ATP8A2: variants seen among roughly 807,000 people sequenced by gnomAD.
ATP8A2 encodes the protein ATPase phospholipid transporting 8A2.
In ATP8A2, 100 loss-of-function variants were observed where a neutral mutation model predicts 165.6. That is an observed-to-expected ratio of 0.60 (90% CI 0.51 to 0.71). The LOEUF (loss-of-function observed/expected upper bound fraction) is 0.71. Among genes scored for constraint, ATP8A2 ranks in the 30% least tolerant of loss-of-function variants. The pLI, the probability that ATP8A2 is intolerant of heterozygous loss-of-function variation, is 0.00. For synonymous variants in ATP8A2, 543 were observed against 548.8 expected (o/e 0.99, Z 0.15); for missense variants, 1,227 against 1,479.5 (o/e 0.83, Z 2.80).
intron 27 of ATP8A2, among the ~76,000 whole-genome samples, chr13:25,777,278 GC>G (rs2044764141): frequency 6.6e-6 from 1 of 152,106 alleles, no homozygotes; most frequent in South Asian, 2.1e-4. Flanking sequence ...TATGGTTAGA[GC>G]CTTGACTCAG....
chr13:25,635,461 C>G (rs2041346177), intron 24 of ATP8A2, among the ~76,000 whole-genome samples: 1 of 152,116 alleles, frequency 6.6e-6, no homozygotes, highest in African/African-American at 2.4e-5. Context: ...TCGAGACTCC[C>G]CTTTTGGAGA....
intron 24 of ATP8A2, among the ~76,000 whole-genome samples, chr13:25,594,806 C>G (rs570627521): frequency 3.9e-5 from 6 of 152,000 alleles, no homozygotes; most frequent in African/African-American, 4.8e-5. Flanking sequence ...GTAGAACTAC[C>G]ATTTGATCCA....
At chr13:25,756,158 C>T (rs1448154404) in intron 25 of ATP8A2, among the ~76,000 whole-genome samples, 1 of 152,120 alleles carries the variant, frequency 6.6e-6, no homozygotes, top group African/African-American at 2.4e-5. Context: ...TAGCATGCAG[C>T]AGCAGCTCCT....
chr13:25,394,112 T>C (rs1207968158), intron 1 of ATP8A2, among the ~76,000 whole-genome samples: 1 of 152,244 alleles, frequency 6.6e-6, no homozygotes, highest in African/African-American at 2.4e-5. Context: ...CATCACCTTG[T>C]AAGTGCATCT....
intron 35 of ATP8A2, among the ~76,000 whole-genome samples, chr13:25,973,622 T>C (rs1024237250): frequency 6.6e-6 from 1 of 152,226 alleles, no homozygotes; most frequent in African/African-American, 2.4e-5. Flanking sequence ...GAGTGAGTAC[T>C]CAACTCAAAA....
At chr13:25,620,890 G>A (rs1448770307) in intron 24 of ATP8A2, among the ~76,000 whole-genome samples, 3 of 152,192 alleles carry the variant, frequency 2.0e-5, no homozygotes, top group Non-Finnish European at 4.4e-5. Flanking sequence ...TAGTAAAATT[G>A]TATGAAGCCA....
chr13:25,745,596 A>T (rs1304068535), intron 25 of ATP8A2, among the ~76,000 whole-genome samples: 1 of 152,120 alleles, frequency 6.6e-6, no homozygotes, highest in Non-Finnish European at 1.5e-5. Context: ...TCTATGATCA[A>T]ACTTGGAATT....
At chr13:25,632,897 C>T (rs367976968) in intron 24 of ATP8A2, among the ~76,000 whole-genome samples, 54 of 152,264 alleles carry the variant, frequency 3.5e-4, no homozygotes, top group African/African-American at 5.1e-4. Context: ...ACTTTCCCAG[C>T]GAGGAGACTC....
chr13:25,712,457 T>A (rs529520654), intron 25 of ATP8A2, among the ~76,000 whole-genome samples: 1 of 152,144 alleles, frequency 6.6e-6, no homozygotes, highest in Non-Finnish European at 1.5e-5. Flanking sequence ...AGGTGAAGGA[T>A]TCTCCCATAA....
intron 35 of ATP8A2, among the ~76,000 whole-genome samples, chr13:26,011,499 G>A (rs943229015): frequency 6.6e-6 from 1 of 152,082 alleles, no homozygotes; most frequent in African/African-American, 2.4e-5. Flanking sequence ...AATTTAGAGG[G>A]GACACCATTC....
chr13:25,637,013 T>C lies in ATP8A2; in HGVS notation c.2211+47314T>C, dbSNP rs77791793. On this transcript the variant is annotated intron_variant, in intron 24 of 36. Transcript: ENST00000381655. Reference sequence around the variant, plus strand: ...GTTGAGGCTGGAGGATTGCTTAAGATTGGGAGGTTGACACTGCAATGAGTT... The same window carrying C: ...GTTGAGGCTGGAGGATTGCTTAAGACTGGGAGGTTGACACTGCAATGAGTT... Among the ~76,000 whole-genome samples the C allele has an allele frequency of 0.018, 2,575 of 139,448 alleles. 191 individuals carry two copies. The East Asian group carries it at 0.25, about 14-fold the overall frequency. 91.5% of individuals were successfully genotyped at this position (139,448 alleles called of 152,430 possible). A position where few individuals can be genotyped will look rare whatever the true frequency, so the allele number is the denominator to read the frequency against.
intron 35 of ATP8A2, among the ~76,000 whole-genome samples, chr13:25,980,891 A>G (rs1227403137): frequency 6.6e-6 from 1 of 152,178 alleles, no homozygotes; most frequent in African/African-American, 2.4e-5. Context: ...TCTAAAAATA[A>G]AGAAAAAGTT....
chr13:25,453,823 AAT>A (rs2035290994), intron 1 of ATP8A2, among the ~76,000 whole-genome samples: 1 of 152,232 alleles, frequency 6.6e-6, no homozygotes, highest in Non-Finnish European at 1.5e-5. Context: ...AGGGCTAAGA[AAT>A]AGGCAGGTGA....
In ATP8A2 at chr13:26,012,623, G is replaced by C. The variant is rs763272441; in HGVS notation, c.3469+1G>C. 2 of 1,482,426 alleles carry C rather than the reference G, an allele frequency of 1.3e-6. No homozygotes were observed. Among genetic ancestry groups the C allele is most frequent in the Non-Finnish European group, 1.8e-6 (2 of 1,116,092 alleles). 91.8% of individuals were successfully genotyped at this position (1,482,426 alleles called of 1,614,324 possible). On this transcript the variant is annotated splice_donor_variant, in intron 36 of 36. Transcript: ENST00000381655. LOFTEE classifies it high-confidence loss of function. The stretch of plus-strand genomic sequence containing the variant: ...AGCTCCCTGCAGCAGGGCGTCCCGC[G>C]TGAGTACCGCGGGCGGGGGCTGATG...
chr13:25,847,916 G>A (rs6650238), intron 30 of ATP8A2, among the ~76,000 whole-genome samples: 64,539 of 151,866 alleles, frequency 0.42, 13,917 homozygotes, highest in African/African-American at 0.47. Flanking sequence ...CCTTTGCCCA[G>A]CAGCACCCCA....
intron 25 of ATP8A2, among the ~76,000 whole-genome samples, chr13:25,708,564 A>T (rs2137964938): frequency 6.6e-6 from 1 of 152,264 alleles, no homozygotes; most frequent in Admixed American, 6.5e-5. Flanking sequence ...CCTGATTTTG[A>T]CAGCCAGTAT....
chr13:25,562,671 C>T (rs1593538963), intron 15 of ATP8A2, among the ~76,000 whole-genome samples: 1 of 151,738 alleles, frequency 6.6e-6, no homozygotes, highest in Non-Finnish European at 1.5e-5. Flanking sequence ...AGTGATTGTA[C>T]CTTTCAGCTT....
intron 2 of ATP8A2, among the ~76,000 whole-genome samples, chr13:25,521,222 A>G (rs1397145712): frequency 6.6e-6 from 1 of 151,968 alleles, no homozygotes; most frequent in East Asian, 1.9e-4. Flanking sequence ...CTATTTATTT[A>G]TTTTAGCTGT....
chr13:25,698,553 A>G (rs542052520), intron 24 of ATP8A2, among the ~76,000 whole-genome samples: 2 of 152,116 alleles, frequency 1.3e-5, no homozygotes, highest in Non-Finnish European at 2.9e-5. Flanking sequence ...TTTAAATCTA[A>G]AAAATGTTAT....
Sources: allele counts gnomAD v4.1 joint callset (sites outside exome capture counted in the v4.1 genomes callset), GRCh38; gene constraint gnomAD v4.1.1; transcripts MANE v1.5; gene names NCBI Gene and HGNC (gene_info 2026-07-23, HGNC 2026-07-21).